Variants in UBXN7 observed in about 807,000 individuals in gnomAD.
The protein encoded by UBXN7 is UBX domain protein 7.
Under a neutral mutation model 58.0 loss-of-function variants are expected in UBXN7, and 9 were observed. The ratio of observed to expected loss-of-function variants is 0.16; its 90% confidence interval spans 0.09 to 0.27. The LOEUF is 0.27. UBXN7 is among the 10% of genes least tolerant of loss of function. UBXN7 has a pLI of 1.00. For missense variants in UBXN7, 328 were observed against 599.6 expected (o/e 0.55, Z 4.73); for synonymous variants, 208 against 205.0 (o/e 1.01, Z -0.12).
At chr3:196,365,757 A>T (rs2108829811) in intron 8 of UBXN7, among the ~76,000 whole-genome samples, 1 of 152,316 alleles carries the variant, frequency 6.6e-6, no homozygotes, top group East Asian at 1.9e-4. Context: ...GAAAGATACA[A>T]CTTGCTAAAG....
At chr3:196,423,160 A>G (rs1226958370) in intron 1 of UBXN7, among the ~76,000 whole-genome samples, 1 of 152,270 alleles carries the variant, frequency 6.6e-6, no homozygotes, top group Non-Finnish European at 1.5e-5. Flanking sequence ...TAGCGGGGCC[A>G]GTCACCACCT....
intron 8 of UBXN7, among the ~76,000 whole-genome samples, chr3:196,363,201 CACATACAT>C (rs558530730): frequency 0.05 from 6,964 of 139,258 alleles, 187 homozygotes; most frequent in African/African-American, 0.055. Context: ...CCGCACCTGG[CACATACAT>C]ACATACATAC....
intron 1 of UBXN7, among the ~76,000 whole-genome samples, chr3:196,418,188 G>A (rs963688418): frequency 6.6e-6 from 1 of 151,876 alleles, no homozygotes; most frequent in African/African-American, 2.4e-5. Context: ...TGTGGGCCGA[G>A]ATCACGCCAC....
Position 196,394,998 on chromosome 3 carries a change from A to G in UBXN7, c.290-1379T>C, listed in dbSNP as rs149324104. 2.7e-3 allele frequency among the ~76,000 whole-genome samples: 408 copies of G among 152,274 alleles called. 3 individuals carry two copies. Among genetic ancestry groups the G allele is most frequent in the African/African-American group, 9.2e-3 (384 of 41,552 alleles). ...GCTAGAATCAAAATGTTATCTTCCT[A>G]TATCTATGTGTTCTTAAACCTAAAC... On this transcript the variant is annotated intron_variant, in intron 3 of 10. Transcript: ENST00000296328.
At chr3:196,361,593 G>A (rs6764533) in intron 10 of UBXN7, among the ~76,000 whole-genome samples, 50,660 of 152,026 alleles carry the variant, frequency 0.33, 9,674 homozygotes, top group East Asian at 0.83. Context: ...CAATCAGTCA[G>A]TAGCCATCAA....
intron 3 of UBXN7, among the ~76,000 whole-genome samples, chr3:196,396,350 A>C (rs565703301): frequency 6.6e-6 from 1 of 151,826 alleles, no homozygotes; most frequent in Non-Finnish European, 1.5e-5. Flanking sequence ...CGCTTGAGCC[A>C]AGGAGTTCGA....
chr3:196,398,261 C>A (rs968814779), intron 3 of UBXN7, among the ~76,000 whole-genome samples: 3 of 152,148 alleles, frequency 2.0e-5, no homozygotes, highest in Non-Finnish European at 4.4e-5. Flanking sequence ...GAGACCCTAA[C>A]CAAAGGCCAC....
chr3:196,403,809 T>C (rs1387031905), intron 2 of UBXN7, among the ~76,000 whole-genome samples: 2 of 152,098 alleles, frequency 1.3e-5, no homozygotes, highest in Non-Finnish European at 2.9e-5. Flanking sequence ...GATCCTAATA[T>C]ACAGAACAAA....
At chr3:196,422,714 T>C (rs1291644499) in intron 1 of UBXN7, among the ~76,000 whole-genome samples, 1 of 152,152 alleles carries the variant, frequency 6.6e-6, no homozygotes, top group Non-Finnish European at 1.5e-5. Flanking sequence ...AAATTATTTG[T>C]CAGCTTCTTA....
intron 8 of UBXN7, 140 bp downstream of exon 8, chr3:196,367,888 G>A: frequency 1.7e-6 from 2 of 1,158,268 alleles, no homozygotes; most frequent in African/African-American, 3.1e-5. Flanking sequence ...ATATAAGGAG[G>A]ATATCTAAGA....
chr3:196,425,066 T>A (rs1158371032), intron 1 of UBXN7, among the ~76,000 whole-genome samples: 7 of 152,156 alleles, frequency 4.6e-5, no homozygotes, highest in South Asian at 4.1e-4. Context: ...TAGACCCAAA[T>A]ATTCATCTGC....
rs763052578 is a variant in UBXN7, at chr3:196,432,224, T to G, written c.73+103A>C. 9.4e-6 allele frequency: 14 copies of G among 1,494,782 alleles called. 1 individual carries two copies. The Middle Eastern group carries it at 1.2e-3, about 128-fold the overall frequency. 92.6% of individuals were successfully genotyped at this position (1,494,782 alleles called of 1,614,324 possible). On this transcript the variant is annotated intron_variant, in intron 1 of 10. Transcript: ENST00000296328. ...CAGGAGGGAGGACGGCAGCTGTGGG[T>G]AAAGCCCGAAGGAGGAATGCCTGAA...
In UBXN7 at chr3:196,353,554, C is replaced by G. The variant is rs1185598691; in HGVS notation, c.*3131G>C. The G allele has an allele frequency of 6.7e-6, 1 of 149,654 alleles. No homozygotes were observed. The highest frequency in any genetic ancestry group is 1.5e-5 in the Non-Finnish European group (1 of 67,784). The allele number at this position is 149,654 out of a possible 1,614,324, so 9.3% of individuals were successfully genotyped here. A position where few individuals can be genotyped will look rare whatever the true frequency, so the allele number is the denominator to read the frequency against. Reference sequence around the variant, plus strand: ...CCAGGCTGGAGTGTAATGGTGCGATCTTGGCTCACTGCAACCTCTGCCTCC... The same window carrying G: ...CCAGGCTGGAGTGTAATGGTGCGATGTTGGCTCACTGCAACCTCTGCCTCC... On this transcript the variant is annotated 3_prime_UTR_variant, in exon 11 of 11. Coordinates refer to ENST00000296328, the MANE Select transcript of UBXN7 (RefSeq NM_015562.2).
intron 1 of UBXN7, among the ~76,000 whole-genome samples, chr3:196,412,273 T>C (rs1166174439): frequency 1.4e-5 from 2 of 145,826 alleles, no homozygotes; most frequent in Admixed American, 1.4e-4. Context: ...AGCATGAATA[T>C]ACAACGTGTG....
chr3:196,399,967 A>T (rs927274919), intron 3 of UBXN7: 1 of 152,260 alleles, frequency 6.6e-6, no homozygotes, highest in South Asian at 2.1e-4. Context: ...TGAGATAAGA[A>T]GATCACCTGA....
At chr3:196,395,132 C>T (rs1729729392) in intron 3 of UBXN7, among the ~76,000 whole-genome samples, 1 of 152,068 alleles carries the variant, frequency 6.6e-6, no homozygotes, top group South Asian at 2.1e-4. Flanking sequence ...CAGCATGTAA[C>T]CAGAATAATT....
intron 10 of UBXN7, among the ~76,000 whole-genome samples, chr3:196,357,677 G>A (rs751525002): frequency 2.6e-5 from 4 of 152,088 alleles, no homozygotes; most frequent in Non-Finnish European, 5.9e-5. Flanking sequence ...GGCCAACATG[G>A]TGAAATCCCG....
intron 5 of UBXN7, among the ~76,000 whole-genome samples, chr3:196,376,902 C>A (rs1471493118): frequency 6.6e-6 from 1 of 151,880 alleles, no homozygotes; most frequent in Admixed American, 6.6e-5. Flanking sequence ...AAAATTTAGC[C>A]AGGCATGGTG....
chr3:196,366,423 A>G (rs1280532489), intron 8 of UBXN7, among the ~76,000 whole-genome samples: 2 of 151,586 alleles, frequency 1.3e-5, no homozygotes. Context: ...GGCTGAGGCA[A>G]GAAGATTGAC....
Sources: allele counts gnomAD v4.1 joint callset (sites outside exome capture counted in the v4.1 genomes callset), GRCh38; gene constraint gnomAD v4.1.1; transcripts MANE v1.5; gene names NCBI Gene and HGNC (gene_info 2026-07-23, HGNC 2026-07-21).